GPD2: variants seen among roughly 807,000 people sequenced by gnomAD.
GPD2 encodes the protein glycerol-3-phosphate dehydrogenase 2.
In GPD2, 54 loss-of-function variants were observed where a neutral mutation model predicts 82.4. The observed-to-expected ratio is 0.66, with a 90% CI of 0.53 to 0.82. The LOEUF (loss-of-function observed/expected upper bound fraction) is 0.82. Among genes scored for constraint, GPD2 ranks in the 40% least tolerant of loss-of-function variants. GPD2 has a pLI of 0.00. For synonymous variants in GPD2, 288 were observed against 306.1 expected (o/e 0.94, Z 0.62); for missense variants, 748 against 896.2 (o/e 0.83, Z 2.11).
chr2:156,479,648 C>G (rs1683648755), intron 2 of GPD2, among the ~76,000 whole-genome samples: 1 of 151,976 alleles, frequency 6.6e-6, no homozygotes, highest in Non-Finnish European at 1.5e-5. Flanking sequence ...CAATTCCAAC[C>G]AAGGAAGTTG....
chr2:156,545,929 C>G (rs897552168), intron 6 of GPD2, among the ~76,000 whole-genome samples: 2 of 152,202 alleles, frequency 1.3e-5, no homozygotes, highest in African/African-American at 4.8e-5. Context: ...GCATTTTTCA[C>G]TTAAAATATC....
intron 9 of GPD2, among the ~76,000 whole-genome samples, chr2:156,566,018 C>G (rs929908418): frequency 6.6e-6 from 1 of 151,986 alleles, no homozygotes. Flanking sequence ...AAACTGAAAT[C>G]CAGCCCTGCC....
intron 1 of GPD2, among the ~76,000 whole-genome samples, chr2:156,468,273 C>A (rs901411946): frequency 2.0e-5 from 3 of 152,172 alleles, no homozygotes; most frequent in Admixed American, 6.5e-5. Context: ...GACTTGCTGT[C>A]AAGCTATCCA....
the GPD2 span, among the ~76,000 whole-genome samples, chr2:156,426,649 A>G: frequency 6.6e-6 from 1 of 152,174 alleles, no homozygotes; most frequent in Non-Finnish European, 1.5e-5. Context: ...AATTAGAAAC[A>G]CCTGGAAGGA....
rs1423319475 is a variant in GPD2, at chr2:156,544,841, C to T, written c.662-4767C>T. ...AACCAAAAGTTGCAACTCAGTCATT[C>T]TAAGCCCAGAGCCATTCTCCACAAT... On this transcript the variant is annotated intron_variant, in intron 6 of 16. Transcript: ENST00000438166. Among the ~76,000 whole-genome samples, 3 of 152,198 alleles carry T rather than the reference C, an allele frequency of 2.0e-5. 1 individual carries two copies. The highest frequency in any genetic ancestry group is 4.8e-5 in the African/African-American group (2 of 41,458).
chr2:156,541,824 GTTTTTTTT>G (rs61067726), intron 6 of GPD2, among the ~76,000 whole-genome samples: 13 of 81,468 alleles, frequency 1.6e-4, no homozygotes, highest in African/African-American at 2.5e-4. Context: ...AATGCTGTTT[GTTTTTTTT>G]TTTTTTTTTT....
chr2:156,576,403 C>A (rs1371458802), intron 13 of GPD2, among the ~76,000 whole-genome samples: 3 of 151,114 alleles, frequency 2.0e-5, no homozygotes, highest in Non-Finnish European at 4.4e-5. Context: ...TAGTTCTAGA[C>A]TAAAAGAAAA....
intron 9 of GPD2, among the ~76,000 whole-genome samples, chr2:156,560,246 G>A (rs139318061): frequency 3.5e-4 from 53 of 152,298 alleles, no homozygotes; most frequent in African/African-American, 6.7e-4. Context: ...GGGCTTTAAC[G>A]GAGACTGGAT....
intron 1 of GPD2, among the ~76,000 whole-genome samples, chr2:156,447,338 CT>C (rs886780057): frequency 1.6e-4 from 24 of 147,624 alleles, no homozygotes; most frequent in East Asian, 1.2e-3. Flanking sequence ...GAATCTCTCT[CT>C]TTTTTTTTTT....
At chr2:156,419,183 C>T in the GPD2 span, among the ~76,000 whole-genome samples, 1 of 151,810 alleles carries the variant, frequency 6.6e-6, no homozygotes, top group Non-Finnish European at 1.5e-5. Flanking sequence ...CCTCAGCCCC[C>T]CAAGTAGCTG....
Position 156,520,166 on chromosome 2 carries a change from G to A in GPD2, c.661+6670G>A, listed in dbSNP as rs972540262. ...TGCTATGCCACTCCACTCCTCTGCCGGTGGAATTTGGGGTTTTTATAGGTA... is the reference window on the plus strand; with the variant it reads ...TGCTATGCCACTCCACTCCTCTGCCAGTGGAATTTGGGGTTTTTATAGGTA... On this transcript the variant is annotated intron_variant, in intron 6 of 16. Transcript: ENST00000438166. 2.6e-5 allele frequency among the ~76,000 whole-genome samples: 4 copies of A among 152,262 alleles called. No individual in the cohort carries two copies. In the South Asian group the frequency reaches 6.2e-4, roughly 24 times the overall value.
intron 6 of GPD2, among the ~76,000 whole-genome samples, chr2:156,529,528 A>G (rs1685759614): frequency 6.6e-6 from 1 of 151,546 alleles, no homozygotes; most frequent in Admixed American, 6.6e-5. Context: ...CTATGTCCTG[A>G]ATGGTAATGC....
the GPD2 span, among the ~76,000 whole-genome samples, chr2:156,411,367 G>A: frequency 6.6e-6 from 1 of 152,074 alleles, no homozygotes; most frequent in Non-Finnish European, 1.5e-5. Flanking sequence ...CCAGGCTGGA[G>A]TGCAATGGTG....
chr2:156,521,307 A>G (rs569911585), intron 6 of GPD2, among the ~76,000 whole-genome samples: 1 of 152,322 alleles, frequency 6.6e-6, no homozygotes, highest in South Asian at 2.1e-4. Flanking sequence ...GCTACTTTCC[A>G]AAGTATTGTA....
intron 1 of GPD2, among the ~76,000 whole-genome samples, chr2:156,454,273 A>G (rs1327307085): frequency 6.6e-6 from 1 of 152,202 alleles, no homozygotes; most frequent in Admixed American, 6.5e-5. Flanking sequence ...TCTTGATCAT[A>G]GCTAGTTGTC....
intron 3 of GPD2, chr2:156,501,958 A>C (rs1684598107): frequency 6.1e-6 from 1 of 163,632 alleles, no homozygotes; most frequent in Non-Finnish European, 1.5e-5. Flanking sequence ...GGAACAGAGA[A>C]TCAGTCATGG....
At chr2:156,519,828 C>T (rs1685333807) in intron 6 of GPD2, among the ~76,000 whole-genome samples, 1 of 152,202 alleles carries the variant, frequency 6.6e-6, no homozygotes, top group Admixed American at 6.5e-5. Context: ...GGGCTCCAGC[C>T]CCATGGCAGC....
chr2:156,486,394 T>C (rs1683940054), intron 2 of GPD2, among the ~76,000 whole-genome samples: 1 of 152,278 alleles, frequency 6.6e-6, no homozygotes, highest in South Asian at 2.1e-4. Context: ...ATGATTAACG[T>C]TGACAGCTGG....
intron 8 of GPD2, among the ~76,000 whole-genome samples, chr2:156,553,685 CA>C (rs1686854594): frequency 6.6e-6 from 1 of 152,226 alleles, no homozygotes; most frequent in South Asian, 2.1e-4. Flanking sequence ...TTTACAAGCA[CA>C]AATGTGTATT....
Sources: gnomAD v4.1 joint callset for allele counts (sites outside exome capture counted in the v4.1 genomes callset) on GRCh38, gnomAD v4.1.1 for gene constraint, MANE v1.5 for transcripts, NCBI Gene and HGNC (gene_info 2026-07-23, HGNC 2026-07-21) for gene names.